Variants in RYR2 observed in about 807,000 individuals in gnomAD.
The protein encoded by RYR2 is ryanodine receptor 2.
Under a neutral mutation model 601.1 loss-of-function variants are expected in RYR2, and 227 were observed. The ratio of observed to expected loss-of-function variants is 0.38; its 90% confidence interval spans 0.34 to 0.42. The LOEUF (loss-of-function observed/expected upper bound fraction) is 0.42, where lower values mean the gene tolerates loss of function less well. Among genes scored for constraint, RYR2 ranks in the 10% least tolerant of loss-of-function variants. The pLI is 1.00. For missense variants in RYR2, 4,646 were observed against 6,156.5 expected, an observed-to-expected ratio of 0.75 and a Z score of 8.21; for synonymous variants, 2,223 against 2,175.1, an observed-to-expected ratio of 1.02 and a Z score of -0.61.
chr1:237,091,611 G>A (rs1414607984), intron 1 of RYR2, among the ~76,000 whole-genome samples: 3 of 152,174 alleles, frequency 2.0e-5, no homozygotes, highest in African/African-American at 7.2e-5. Context: ...TTTTAGTAGA[G>A]ACGGGGTTTC....
At chr1:237,709,330 G>A in intron 69 of RYR2, 150 bp from the exon 70 acceptor site, 1 of 669,616 alleles carries the variant, frequency 1.5e-6, no homozygotes, top group South Asian at 2.1e-5. Context: ...CAGTTATGAT[G>A]TTTAAATTTT....
At chr1:237,730,227 C>T in intron 76 of RYR2, 33 bp from the exon 77 acceptor site, 1 of 1,214,088 alleles carries the variant, frequency 8.2e-7, no homozygotes, top group Non-Finnish European at 1.2e-6. Context: ...ATTTTCTAAA[C>T]ACCCTTTTTC....
At chr1:237,568,773 AAAAC>A (rs1311259553) in intron 28 of RYR2, among the ~76,000 whole-genome samples, 3 of 152,178 alleles carry the variant, frequency 2.0e-5, no homozygotes, top group African/African-American at 7.2e-5. Flanking sequence ...GGAGTAGAGA[AAAAC>A]AAACCGTATT....
intron 8 of RYR2, among the ~76,000 whole-genome samples, chr1:237,384,897 A>T (rs531510979): frequency 4.8e-4 from 73 of 150,648 alleles, no homozygotes; most frequent in Middle Eastern, 3.4e-3. Flanking sequence ...TTATTATTTT[A>T]TTTTTTTTTG....
At chr1:237,603,597 TG>T (rs1676761494) in intron 35 of RYR2, among the ~76,000 whole-genome samples, 1 of 152,154 alleles carries the variant, frequency 6.6e-6, no homozygotes, top group South Asian at 2.1e-4. Flanking sequence ...TAAATGTAAA[TG>T]GGCTAAATGC....
chr1:237,774,552 G>A (rs1467293504), intron 87 of RYR2, among the ~76,000 whole-genome samples: 1 of 152,080 alleles, frequency 6.6e-6, no homozygotes, highest in Non-Finnish European at 1.5e-5. Flanking sequence ...TTTTGCCTTG[G>A]TGGGGAAGAG....
chr1:237,088,297 G>A (rs12066605), intron 1 of RYR2, among the ~76,000 whole-genome samples: 2,754 of 152,196 alleles, frequency 0.018, 83 homozygotes, highest in African/African-American at 0.063. Flanking sequence ...CCATCTCCAC[G>A]CTCCTGTGAC....
intron 1 of RYR2, among the ~76,000 whole-genome samples, chr1:237,212,190 A>G (rs555960323): frequency 1.4e-4 from 22 of 152,274 alleles, no homozygotes; most frequent in African/African-American, 4.8e-4. Context: ...CCTTAATCCT[A>G]TCATCTAGAC....
chr1:237,647,291 C>G (rs1475879580), intron 48 of RYR2, among the ~76,000 whole-genome samples: 2 of 152,162 alleles, frequency 1.3e-5, no homozygotes, highest in Non-Finnish European at 2.9e-5. Flanking sequence ...TTTCGTCATT[C>G]ATTGAATAAG....
At chr1:237,629,243 G>C (rs1056663678) in intron 41 of RYR2, among the ~76,000 whole-genome samples, 2 of 152,054 alleles carry the variant, frequency 1.3e-5, no homozygotes, top group Non-Finnish European at 2.9e-5. Flanking sequence ...ATTGAGTAGT[G>C]TTCGCTACTC....
chr1:237,218,334 T>C (rs1683409314), intron 1 of RYR2, among the ~76,000 whole-genome samples: 1 of 152,194 alleles, frequency 6.6e-6, no homozygotes, highest in African/African-American at 2.4e-5. Flanking sequence ...TGAGGAATAC[T>C]GTGAACTGGG....
rs1681103811 is a variant in RYR2, at chr1:237,638,458, T to C, written c.6894T>C (p.Tyr2298=). 1.2e-6 allele frequency: 2 copies of C among 1,613,970 alleles called. No individual in the cohort carries two copies. The highest frequency in any genetic ancestry group is 1.1e-5 in the South Asian group (1 of 91,080). ...GGAACCCAGTTGAAGGAGAGAGATA[T>C]CTTGACTTTCTTAGATTTGCTGTCT... is the stretch of plus-strand genomic sequence containing the variant. ...IGWNPVEGER[Y]LDFLRFAVFC... Residue 2298 remains tyrosine (Y), a synonymous_variant, in exon 45 of 105, where the codon TAT becomes TAC. Coordinates refer to ENST00000366574, the MANE Select transcript of RYR2 (RefSeq NM_001035.3).
chr1:237,639,106 G>A lies in RYR2; in HGVS notation c.7020G>A (p.Gly2340=), dbSNP rs767884614. The change falls in exon 46 of 105, where the codon GGG becomes GGA. Residue 2340 remains glycine (G), a synonymous_variant. Transcript: ENST00000366574. The part of the protein sequence containing the change: ...CFGPALRGEG[G]NGLLAAMEEA... ...GTCCTGCTTTGAGAGGAGAAGGTGG[G>A]AATGGGCTTCTTGCAGCAATGGAAG... 3.7e-6 allele frequency: 6 copies of A among 1,613,860 alleles called. No individual in the cohort carries two copies. The East Asian group carries it at 8.9e-5, about 24-fold the overall frequency.
chr1:237,752,158 C>G (rs1016998358), intron 80 of RYR2, among the ~76,000 whole-genome samples: 1 of 152,148 alleles, frequency 6.6e-6, no homozygotes, highest in African/African-American at 2.4e-5. Context: ...AAAGCCCGCT[C>G]TCTTCATGGA....
intron 10 of RYR2, 116 bp downstream of exon 10, chr1:237,388,299 C>A: frequency 1.3e-6 from 1 of 796,724 alleles, no homozygotes; most frequent in Non-Finnish European, 2.0e-6. Context: ...GGGCTACTGA[C>A]ATTCATTGAT....
rs1326672128 is a variant in RYR2, at chr1:237,783,864, C to T, written c.12152C>T (p.Ala4051Val). 29 of 1,613,672 alleles carry T rather than the reference C, an allele frequency of 1.8e-5. No individual in the cohort carries two copies. Among genetic ancestry groups the T allele is most frequent in the Non-Finnish European group, 2.2e-5 (26 of 1,179,812 alleles). Reference sequence around the variant, plus strand: ...ATTTCCAAGAGGGACTTCCACAAAGCGATGGAGAGCCATAAGCACTACACG... The same window carrying T: ...ATTTCCAAGAGGGACTTCCACAAAGTGATGGAGAGCCATAAGCACTACACG... ...GVISKRDFHK[A>V]MESHKHYTQS... The change falls in exon 90 of 105, where the codon GCG (alanine) becomes GTG (valine). Residue 4051 changes from alanine to valine, a missense_variant. By Grantham distance (64) the Ala-to-Val change is moderately conservative. Transcript: ENST00000366574.
At chr1:237,574,185 T>G (rs1197063693) in intron 29 of RYR2, among the ~76,000 whole-genome samples, 1 of 152,186 alleles carries the variant, frequency 6.6e-6, no homozygotes, top group Non-Finnish European at 1.5e-5. Context: ...CAATCATCAC[T>G]TTTAAAAGAC....
At chr1:237,773,736 G>C in intron 87 of RYR2, 88 bp downstream of exon 87, 1 of 1,022,218 alleles carries the variant, frequency 9.8e-7, no homozygotes, top group Non-Finnish European at 1.4e-6. Context: ...ATCTCCTATT[G>C]ACCCCTTTCT....
rs1172151351 is a variant in RYR2, at chr1:237,417,482, C to A, written c.848+359C>A. 2.6e-5 allele frequency among the ~76,000 whole-genome samples: 4 copies of A among 152,298 alleles called. No homozygotes were observed. In the East Asian group the frequency reaches 5.8e-4, roughly 22 times the overall value. ...ATTTGGAGACACGACAAGTTCTTTG[C>A]AAGCCTGTCGCACATCTCAGATCTG... On this transcript the variant is annotated intron_variant, in intron 11 of 104. Transcript: ENST00000366574.
Sources: allele counts gnomAD v4.1 joint callset (sites outside exome capture counted in the v4.1 genomes callset), GRCh38; gene constraint gnomAD v4.1.1; transcripts MANE v1.5; gene names NCBI Gene and HGNC (gene_info 2026-07-23, HGNC 2026-07-21).